PRKACB: variants seen among roughly 807,000 people sequenced by gnomAD.
PRKACB encodes protein kinase cAMP-activated catalytic subunit beta.
PRKACB carries 16 observed loss-of-function variants against 51.4 expected under a neutral mutation model. That is an observed-to-expected ratio of 0.31 (90% CI 0.21 to 0.47). PRKACB has a LOEUF of 0.47. Ranked by LOEUF, PRKACB falls within the 20% of genes least tolerant of loss-of-function variation. The pLI is 1.00. For missense variants in PRKACB, 309 were observed against 464.5 expected (o/e 0.67, Z 3.08); for synonymous variants, 147 against 154.4 (o/e 0.95, Z 0.35).
intron 2 of PRKACB, among the ~76,000 whole-genome samples, 198 bp downstream of exon 2, chr1:84,179,436 A>G (rs981193231): frequency 6.6e-6 from 1 of 151,946 alleles, no homozygotes; most frequent in Non-Finnish European, 1.5e-5. Flanking sequence ...ATTGCAGGAA[A>G]TAATTTCCAG....
chr1:84,159,734 A>G (rs1443491945), intron 1 of PRKACB, among the ~76,000 whole-genome samples: 1 of 152,042 alleles, frequency 6.6e-6, no homozygotes, highest in African/African-American at 2.4e-5. Context: ...CCTGCCCCAC[A>G]TGTCCTTTAT....
At chr1:84,216,184 C>T (rs1672854810) in intron 9 of PRKACB, among the ~76,000 whole-genome samples, 1 of 151,886 alleles carries the variant, frequency 6.6e-6, no homozygotes, top group Non-Finnish European at 1.5e-5. Context: ...ACAAAAAATA[C>T]AAAAATTATC....
At chr1:84,164,329 G>A (rs2100720923) in intron 1 of PRKACB, 1 of 1,543,372 alleles carries the variant, frequency 6.5e-7, no homozygotes, top group Non-Finnish European at 8.8e-7. Flanking sequence ...TATCAGTGAG[G>A]TCCACAGCTA....
intron 1 of PRKACB, among the ~76,000 whole-genome samples, chr1:84,119,579 G>A (rs114388139): frequency 2.6e-5 from 4 of 151,852 alleles, no homozygotes; most frequent in Non-Finnish European, 4.4e-5. Flanking sequence ...CCATCAGCCC[G>A]TATATCAATT....
chr1:84,179,595 A>AT (rs1662518303), intron 2 of PRKACB, among the ~76,000 whole-genome samples: 4 of 151,910 alleles, frequency 2.6e-5, no homozygotes, highest in Non-Finnish European at 5.9e-5. Flanking sequence ...ACAGTTTAAA[A>AT]TTCTCAGTCA....
rs1169362098 is a variant in PRKACB, at chr1:84,238,046, A to C, written c.*2741A>C. The C allele has an allele frequency of 1.3e-5, 2 of 152,270 alleles. No individual in the cohort carries two copies. The highest frequency in any genetic ancestry group is 4.8e-5 in the African/African-American group (2 of 41,578). The allele number at this position is 152,270 out of a possible 1,614,324, so 9.4% of individuals were successfully genotyped here. On this transcript the variant is annotated 3_prime_UTR_variant, in exon 10 of 10. Coordinates refer to ENST00000370685, the MANE Select transcript of PRKACB (RefSeq NM_182948.4). Reference sequence around the variant, plus strand: ...GGGCATCTTTCTTCTTATCTCTGACAGTGTTCTTAAAATTATTTGAATATC... The same window carrying C: ...GGGCATCTTTCTTCTTATCTCTGACCGTGTTCTTAAAATTATTTGAATATC...
At chr1:84,086,116 T>G in intron 1 of PRKACB, 485 of 1,518,150 alleles carry the variant, frequency 3.2e-4, no homozygotes, top group Non-Finnish European at 4.0e-4. Flanking sequence ...CCATTGAGTA[T>G]GAGGTGTTGG....
chr1:84,235,186 G>T lies in PRKACB; in HGVS notation c.1078G>T (p.Ala360Ser), dbSNP rs1391721470. ...WIAIYQRKVE[A>S]PFIPKFRGSG... ...CTCTCCCTCTCAATTATAGGTTGAAGCTCCATTCATACCAAAGTTTAGAGG... is the reference window on the plus strand; with the variant it reads ...CTCTCCCTCTCAATTATAGGTTGAATCTCCATTCATACCAAAGTTTAGAGG... The change falls in exon 10 of 10, where the codon GCT becomes TCT. Residue 360 changes from alanine to serine, a missense_variant. This residue lies in a region of PRKACB where 96 missense variants were observed against 129.9 expected (regional missense o/e 0.74). Transcript: ENST00000370685. 1 of 1,612,760 alleles carries T rather than the reference G, an allele frequency of 6.2e-7. No homozygotes were observed. The highest frequency in any genetic ancestry group is 8.5e-7 in the Non-Finnish European group (1 of 1,179,620).
At chr1:84,215,649 A>ATTTTG (rs1323868197) in intron 9 of PRKACB, among the ~76,000 whole-genome samples, 1 of 152,116 alleles carries the variant, frequency 6.6e-6, no homozygotes, top group African/African-American at 2.4e-5. Context: ...AGAAACTAGT[A>ATTTTG]TTTTGTTTTG....
chr1:84,088,351 G>A (rs144847484), intron 1 of PRKACB, among the ~76,000 whole-genome samples: 286 of 152,230 alleles, frequency 1.9e-3, no homozygotes, highest in African/African-American at 6.6e-3. Flanking sequence ...CTGTTTTCTC[G>A]ATCTGGACTT....
intron 1 of PRKACB, among the ~76,000 whole-genome samples, chr1:84,098,480 A>G (rs944577140): frequency 2.6e-5 from 4 of 152,062 alleles, no homozygotes; most frequent in Admixed American, 6.6e-5. Context: ...GTCTGCTTGC[A>G]TGTCTCAGAG....
chr1:84,221,882 T>A (rs1457090866), intron 9 of PRKACB, among the ~76,000 whole-genome samples: 1 of 152,100 alleles, frequency 6.6e-6, no homozygotes, highest in African/African-American at 2.4e-5. Context: ...ATGTGCTTAT[T>A]AGAAGAATGT....
chr1:84,205,678 C>CAT (rs967989871), intron 8 of PRKACB, among the ~76,000 whole-genome samples: 15 of 152,010 alleles, frequency 9.9e-5, no homozygotes, highest in African/African-American at 3.6e-4. Context: ...CACTAAAGTA[C>CAT]ATATATATGA....
At chr1:84,203,897 A>G (rs1021505754) in intron 8 of PRKACB, among the ~76,000 whole-genome samples, 27 of 151,924 alleles carry the variant, frequency 1.8e-4, no homozygotes, top group African/African-American at 6.5e-4. Flanking sequence ...ATTTCTTTGT[A>G]TCTCAGCCAT....
rs3729864 is a variant in PRKACB, at chr1:84,179,100, A to G, written c.188-77A>G. ...ATGTCTTTTTTTAAGTGAGAAAACC[A>G]TATGCAATATAAATATTCTTATACA... is the stretch of plus-strand genomic sequence containing the variant. On this transcript the variant is annotated intron_variant, in intron 1 of 9. Coordinates refer to ENST00000370685, the MANE Select transcript of PRKACB (RefSeq NM_182948.4). The G allele has an allele frequency of 6.6e-3, 9,312 of 1,418,390 alleles. 395 individuals carry two copies. The African/African-American group carries it at 0.093, about 14-fold the overall frequency. 87.9% of individuals were successfully genotyped at this position (1,418,390 alleles called of 1,614,324 possible).
chr1:84,171,061 A>T (rs893404026), intron 1 of PRKACB, among the ~76,000 whole-genome samples: 1 of 151,620 alleles, frequency 6.6e-6, no homozygotes, highest in African/African-American at 2.4e-5. Flanking sequence ...AAAAAGCTTT[A>T]AAAAAATCAC....
chr1:84,214,354 A>C lies in PRKACB; in HGVS notation c.1071+37A>C, dbSNP rs769230809. 2.6e-6 allele frequency: 4 copies of C among 1,510,340 alleles called. No homozygotes were observed. The South Asian group carries it at 5.3e-5, about 20-fold the overall frequency. 93.6% of individuals were successfully genotyped at this position (1,510,340 alleles called of 1,614,324 possible). ...TTTTTTAATTTAAAAGCTTTTTTAA[A>C]GTTGGTGTTTAAATTATATGTGGTG... On this transcript the variant is annotated intron_variant, in intron 9 of 9. Coordinates refer to ENST00000370685, the MANE Select transcript of PRKACB (RefSeq NM_182948.4).
intron 1 of PRKACB, among the ~76,000 whole-genome samples, chr1:84,125,790 A>G (rs1651534861): frequency 3.3e-5 from 5 of 152,234 alleles, no homozygotes; most frequent in African/African-American, 1.2e-4. Context: ...ACTCATATTC[A>G]GCTATCTTTT....
In PRKACB at chr1:84,196,676, A is replaced by G; in HGVS notation, c.621A>G (p.Ser207=). The G allele has an allele frequency of 6.2e-7, 1 of 1,613,272 alleles. No individual in the cohort carries two copies. The highest frequency in any genetic ancestry group is 8.5e-7 in the Non-Finnish European group (1 of 1,179,316). ...QIVLTFEYLH[S]LDLIYRDLKP... is the part of the protein sequence containing the mutation. ...TGCTAACATTCGAGTACCTCCATTC[A>G]CTAGACCTCATCTACAGAGATCTAA... Residue 207 remains serine (S), a synonymous_variant, in exon 6 of 10, where the codon TCA becomes TCG. Transcript: ENST00000370685.
Sources: allele counts gnomAD v4.1 joint callset (sites outside exome capture counted in the v4.1 genomes callset), GRCh38; gene constraint gnomAD v4.1.1; regional missense constraint gnomAD v4.1.1; transcripts MANE v1.5; gene names NCBI Gene and HGNC (gene_info 2026-07-23, HGNC 2026-07-21).